The following ARHGAP42 variants were observed in gnomAD, a reference collection of about 807,000 sequenced individuals.
ARHGAP42 encodes the protein Rho GTPase activating protein 42, also known as rho GTPase-activating protein 42.
ARHGAP42 carries 63 observed loss-of-function variants against 125.0 expected under a neutral mutation model. The ratio of observed to expected loss-of-function variants is 0.50; its 90% CI spans 0.41 to 0.62. The LOEUF is 0.62. ARHGAP42 is among the 20% of genes least tolerant of loss of function. ARHGAP42 has a pLI of 0.00. For synonymous variants in ARHGAP42, 339 were observed against 351.0 expected, an observed-to-expected ratio of 0.97 and a Z score of 0.38; for missense variants, 766 against 1,024.2, an observed-to-expected ratio of 0.75 and a Z score of 3.44.
chr11:100,870,063 G>A (rs528079929), intron 4 of ARHGAP42, among the ~76,000 whole-genome samples: 1 of 152,256 alleles, frequency 6.6e-6, no homozygotes, highest in Non-Finnish European at 1.5e-5. Flanking sequence ...TGACATCTAT[G>A]TGAAAGATCT....
chr11:100,949,634 A>G (rs1868121928), intron 11 of ARHGAP42, among the ~76,000 whole-genome samples: 1 of 152,156 alleles, frequency 6.6e-6, no homozygotes, highest in African/African-American at 2.4e-5. Flanking sequence ...AAGGCTCATT[A>G]TGCATCATAC....
intron 10 of ARHGAP42, among the ~76,000 whole-genome samples, chr11:100,944,074 A>G (rs368407067): frequency 2.0e-5 from 3 of 152,190 alleles, no homozygotes; most frequent in African/African-American, 7.2e-5. Flanking sequence ...CAGTAGCATC[A>G]CTCAAAGCAG....
chr11:100,903,115 G>GTGCACACA (rs1555021054), intron 4 of ARHGAP42, among the ~76,000 whole-genome samples: 1 of 13,704 alleles, frequency 7.3e-5, no homozygotes, highest in African/African-American at 2.4e-4. Flanking sequence ...TGTCCAAGAT[G>GTGCACACA]CGCACACACA....
intron 17 of ARHGAP42, among the ~76,000 whole-genome samples, chr11:100,966,313 G>A (rs1182642295): frequency 1.3e-5 from 2 of 152,058 alleles, no homozygotes; most frequent in East Asian, 1.9e-4. Context: ...AGAAACAAAA[G>A]CAATAGTGTG....
chr11:100,824,161 A>T (rs1039568694), intron 3 of ARHGAP42, among the ~76,000 whole-genome samples: 4 of 152,172 alleles, frequency 2.6e-5, no homozygotes, highest in Non-Finnish European at 5.9e-5. Context: ...GCATGTGGGT[A>T]GTAGCCTCTG....
intron 3 of ARHGAP42, among the ~76,000 whole-genome samples, chr11:100,857,747 C>T (rs921696996): frequency 5.9e-5 from 9 of 152,064 alleles, no homozygotes; most frequent in African/African-American, 1.7e-4. Context: ...TCTCCCTCTA[C>T]GCAATTTGTC....
At chr11:100,948,335 T>C in intron 10 of ARHGAP42, 122 bp from the exon 11 acceptor site, 1 of 711,520 alleles carries the variant, frequency 1.4e-6, no homozygotes. Flanking sequence ...CCTATGTTTT[T>C]CTCCTCTGTC....
chr11:100,689,696 C>A (rs1861154214), intron 1 of ARHGAP42, among the ~76,000 whole-genome samples: 1 of 152,166 alleles, frequency 6.6e-6, no homozygotes, highest in South Asian at 2.1e-4. Flanking sequence ...ATTATACAAC[C>A]TGCTATCTTT....
At chr11:100,710,544 T>TTG (rs1555108984) in intron 1 of ARHGAP42, among the ~76,000 whole-genome samples, 1 of 127,930 alleles carries the variant, frequency 7.8e-6, no homozygotes, top group Non-Finnish European at 1.6e-5. Context: ...AGCAGTTTTT[T>TTG]TTTTTTTTTT....
At chr11:100,827,525 C>A (rs1051876510) in intron 3 of ARHGAP42, among the ~76,000 whole-genome samples, 8 of 152,128 alleles carry the variant, frequency 5.3e-5, no homozygotes, top group Non-Finnish European at 1.0e-4. Flanking sequence ...GTTGGTGAAC[C>A]CACAGTGGAA....
intron 3 of ARHGAP42, among the ~76,000 whole-genome samples, chr11:100,824,369 T>A (rs1440824293): frequency 6.6e-6 from 1 of 152,186 alleles, no homozygotes; most frequent in East Asian, 1.9e-4. Flanking sequence ...AGACTACTAA[T>A]GACTGAAGTC....
Position 100,779,465 on chromosome 11 carries a change from A to ATAT in ARHGAP42, c.250+9027_250+9028insTAT, listed in dbSNP as rs1395445182. ...CGTCTCAAAAAAAAAAAAAAAAAAA[A>ATAT]AAATATATATATATATATATACACA... On this transcript the variant is annotated intron_variant, in intron 2 of 23. Transcript: ENST00000298815. Among the ~76,000 whole-genome samples the ATAT allele has an allele frequency of 1.4e-3, 127 of 93,126 alleles. 3 individuals are homozygous for ATAT. Among genetic ancestry groups the ATAT allele is most frequent in the East Asian group, 7.6e-3 (20 of 2,620 alleles). The allele number at this position is 93,126 out of a possible 152,430, so 61.1% of individuals were successfully genotyped here. A position where few individuals can be genotyped will look rare whatever the true frequency, so the allele number is the denominator to read the frequency against.
intron 2 of ARHGAP42, among the ~76,000 whole-genome samples, chr11:100,788,988 C>T (rs931510026): frequency 1.3e-5 from 2 of 151,992 alleles, no homozygotes; most frequent in African/African-American, 4.8e-5. Context: ...TGCTGGGTAT[C>T]ACTTGGCTAT....
At chr11:100,742,128 C>T (rs1862200072) in intron 1 of ARHGAP42, among the ~76,000 whole-genome samples, 1 of 152,166 alleles carries the variant, frequency 6.6e-6, no homozygotes, top group Non-Finnish European at 1.5e-5. Context: ...TCAAATACTG[C>T]CATCATTCTG....
intron 3 of ARHGAP42, among the ~76,000 whole-genome samples, chr11:100,853,403 C>T (rs1227119380): frequency 4.6e-5 from 7 of 152,078 alleles, no homozygotes. Context: ...TTCCACAATG[C>T]TTAAATGTTT....
chr11:100,718,102 G>A (rs1405585971), intron 1 of ARHGAP42, among the ~76,000 whole-genome samples: 1 of 152,176 alleles, frequency 6.6e-6, no homozygotes, highest in Non-Finnish European at 1.5e-5. Flanking sequence ...TATCTTATGA[G>A]TTCAGGTGTG....
chr11:100,927,640 C>T (rs1867463533), intron 6 of ARHGAP42, among the ~76,000 whole-genome samples: 1 of 152,172 alleles, frequency 6.6e-6, no homozygotes, highest in South Asian at 2.1e-4. Flanking sequence ...ACAGTACTTT[C>T]TCTATTACAA....
chr11:100,893,371 C>G (rs1565262658), intron 4 of ARHGAP42, among the ~76,000 whole-genome samples: 1 of 151,954 alleles, frequency 6.6e-6, no homozygotes, highest in South Asian at 2.1e-4. Flanking sequence ...TTCTTCTTAG[C>G]CTTTGCATTA....
At chr11:100,855,220 T>C (rs1322590285) in intron 3 of ARHGAP42, among the ~76,000 whole-genome samples, 2 of 152,102 alleles carry the variant, frequency 1.3e-5, no homozygotes, top group Non-Finnish European at 2.9e-5. Context: ...AAACTGAGTG[T>C]TTTATTGCTT....
Sources: allele counts gnomAD v4.1 joint callset (sites outside exome capture counted in the v4.1 genomes callset), GRCh38; gene constraint gnomAD v4.1.1; transcripts MANE v1.5; gene names NCBI Gene and HGNC (gene_info 2026-07-23, HGNC 2026-07-21).